Variants in USP42 observed in about 807,000 individuals in gnomAD.
The protein encoded by USP42 is ubiquitin specific peptidase 42, also known as ubiquitin carboxyl-terminal hydrolase 42.
USP42 carries 23 observed loss-of-function variants against 113.0 expected under a neutral mutation model. The ratio of observed to expected loss-of-function variants is 0.20; its 90% CI spans 0.15 to 0.29. The LOEUF is 0.29. USP42 is among the 10% of genes least tolerant of loss of function. The probability of loss-of-function intolerance (pLI) is 1.00; values close to 1 mark genes in which losing one functional copy is unlikely to be tolerated. For missense variants in USP42, 2,174 were observed against 1,779.8 expected, an observed-to-expected ratio of 1.22 and a Z score of -3.99; for synonymous variants, 933 against 699.0, an observed-to-expected ratio of 1.33 and a Z score of -5.28.
intron 1 of USP42, among the ~76,000 whole-genome samples, chr7:6,107,855 T>C (rs1779378259): frequency 6.6e-6 from 1 of 152,196 alleles, no homozygotes; most frequent in Admixed American, 6.5e-5. Flanking sequence ...CTACCTTTGA[T>C]TGATTTAAAT....
intron 9 of USP42, among the ~76,000 whole-genome samples, chr7:6,144,945 A>G (rs568612515): frequency 2.0e-5 from 3 of 152,294 alleles, no homozygotes; most frequent in Admixed American, 6.5e-5. Flanking sequence ...TTCACTTAAT[A>G]TAGATCCTGA....
Position 6,159,640 on chromosome 7 carries a change from C to A in USP42, c.*36+147C>A. The A allele has an allele frequency of 1.3e-6, 1 of 757,138 alleles. No individual in the cohort carries two copies. Among genetic ancestry groups the A allele is most frequent in the Non-Finnish European group, 2.1e-6 (1 of 466,326 alleles). 46.9% of individuals were successfully genotyped at this position (757,138 alleles called of 1,614,324 possible). ...GGAGAGGCCCCGGCAGGTTCCCAGC[C>A]AGCCCAGACCCAGGCCACGCGCTTG... On this transcript the variant is annotated intron_variant, in intron 17 of 17. Transcript: ENST00000306177. This position sits in a 1 kb window ranked among gnomAD's most constrained non-coding sequence, Gnocchi z 4.1.
upstream of USP42, among the ~76,000 whole-genome samples, chr7:6,102,198 C>A (rs1790147638): frequency 6.8e-6 from 1 of 147,252 alleles, no homozygotes; most frequent in Admixed American, 6.7e-5. Flanking sequence ...TCACTGCAAC[C>A]TCTGCCTCCC....
At chr7:6,128,200 G>T (rs1473837466) in intron 3 of USP42, 1 of 150,934 alleles carries the variant, frequency 6.6e-6, no homozygotes, top group East Asian at 1.9e-4. Context: ...TGATCCTCCT[G>T]CCTTGGCCTC....
At chr7:6,085,415 G>A in the USP42 span, among the ~76,000 whole-genome samples, 2 of 150,594 alleles carry the variant, frequency 1.3e-5, no homozygotes, top group African/African-American at 2.5e-5. Flanking sequence ...GTGGGCCACC[G>A]TGCCCGGCCA....
At chr7:6,116,771 G>A (rs757761310) in intron 3 of USP42, 18 of 532,868 alleles carry the variant, frequency 3.4e-5, no homozygotes, top group South Asian at 2.5e-4. Flanking sequence ...CGTTCTGTTT[G>A]CCCTCATTTT....
At chr7:6,151,470 G>A (rs953381280) in intron 14 of USP42, among the ~76,000 whole-genome samples, 4 of 152,078 alleles carry the variant, frequency 2.6e-5, no homozygotes, top group African/African-American at 4.8e-5. Context: ...ACGGAGTCTC[G>A]CTGTGTCACC....
intron 9 of USP42, among the ~76,000 whole-genome samples, chr7:6,145,307 G>T (rs1781656912): frequency 6.6e-6 from 1 of 151,592 alleles, no homozygotes; most frequent in Admixed American, 6.6e-5. Context: ...CTCCAGCCTG[G>T]GTGATAGAGT....
chr7:6,111,673 A>G, intron 2 of USP42: 1 of 195,964 alleles, frequency 5.1e-6, no homozygotes, highest in South Asian at 8.9e-5. Context: ...CGCGATCTTG[A>G]CTCACTGCAA....
chr7:6,086,240 C>T, the USP42 span, among the ~76,000 whole-genome samples: 2 of 136,692 alleles, frequency 1.5e-5, no homozygotes, highest in Non-Finnish European at 1.5e-5. Flanking sequence ...GAGTCTCGCT[C>T]TGTCGCCCAG....
Position 6,128,644 on chromosome 7 carries a change from G to C in USP42, c.443-7197G>C, listed in dbSNP as rs997811431. Among the ~76,000 whole-genome samples, 4 of 151,950 alleles carry C rather than the reference G, an allele frequency of 2.6e-5. No homozygotes were observed. In the East Asian group the frequency reaches 7.7e-4, roughly 29 times the overall value. On this transcript the variant is annotated intron_variant, in intron 3 of 17. Coordinates refer to ENST00000306177, the MANE Select transcript of USP42 (RefSeq NM_032172.3). The stretch of plus-strand genomic sequence containing the variant: ...TTCACCCTCATTTATTTAGAACATT[G>C]ACTTTTAAGGTGATTATTGATATTT...
At chr7:6,111,060 C>T (rs1779572282) in intron 1 of USP42, 65 bp from the exon 2 acceptor site, 23 of 1,494,452 alleles carry the variant, frequency 1.5e-5, no homozygotes, top group Middle Eastern at 3.7e-4. Flanking sequence ...CAAGATCTAA[C>T]GGTAGGGTAA....
At chr7:6,125,824 T>C (rs2128490785) in intron 3 of USP42, among the ~76,000 whole-genome samples, 1 of 152,242 alleles carries the variant, frequency 6.6e-6, no homozygotes, top group South Asian at 2.1e-4. Context: ...GTTTTTGTTT[T>C]TTTTTTGGTT....
intron 1 of USP42, among the ~76,000 whole-genome samples, chr7:6,110,120 C>T (rs1217399073): frequency 6.6e-6 from 1 of 152,140 alleles, no homozygotes. Flanking sequence ...AGGCATGAGC[C>T]ACCGCGCCCG....
Position 6,157,346 on chromosome 7 carries a change from CT to C in USP42, c.3943+293del. 7.4e-6 allele frequency: 8 copies of C among 1,080,958 alleles called. No individual in the cohort carries two copies. The highest frequency in any genetic ancestry group is 9.0e-6 in the Non-Finnish European group (8 of 892,168). 67.0% of individuals were successfully genotyped at this position (1,080,958 alleles called of 1,614,324 possible). ...TACAGCTCTAGGCATCTGACTTTGC[CT>C]TGCAAAGGACCAGAACTCTTGGTTT... On this transcript the variant is annotated intron_variant, in intron 16 of 17. Transcript: ENST00000306177. This position sits in a 1 kb window ranked among gnomAD's most constrained non-coding sequence, Gnocchi z 4.1.
chr7:6,092,055 TTC>T, the USP42 span, among the ~76,000 whole-genome samples: 64 of 47,410 alleles, frequency 1.3e-3, no homozygotes, highest in Non-Finnish European at 1.5e-3. Flanking sequence ...TTCTTCTTCT[TTC>T]TTCTTCTTCT....
chr7:6,160,751 A>G lies in USP42; in HGVS notation c.*233A>G, dbSNP rs1161543866. 1 of 152,588 alleles carries G rather than the reference A, an allele frequency of 6.6e-6. No homozygotes were observed. The highest frequency in any genetic ancestry group is 1.5e-5 in the Non-Finnish European group (1 of 68,040). 9.5% of individuals were successfully genotyped at this position (152,588 alleles called of 1,614,324 possible). A position where few individuals can be genotyped will look rare whatever the true frequency, so the allele number is the denominator to read the frequency against. ...CGAACACTTTCTACCACTGCTGACC[A>G]TTGTAAAATACCGTGTATATAAATC... On this transcript the variant is annotated 3_prime_UTR_variant, in exon 18 of 18. Coordinates refer to ENST00000306177, the MANE Select transcript of USP42 (RefSeq NM_032172.3).
In USP42 at chr7:6,153,991, A is replaced by G. The variant is rs764275767; in HGVS notation, c.2437A>G (p.Thr813Ala). Reference sequence around the variant, plus strand: ...CGCCGGCGAGGACATCGTGGGGGACACAGCACCCCCTGACCTGTGTGATCC... The same window carrying G: ...CGCCGGCGAGGACATCGTGGGGGACGCAGCACCCCCTGACCTGTGTGATCC... ...PSAGEDIVGDTAPPDLCDPGS... is the reference protein window; with the variant it reads ...PSAGEDIVGDAAPPDLCDPGS... Residue 813 changes from threonine to alanine, a missense_variant, in exon 15 of 18, where the codon ACA becomes GCA. Transcript: ENST00000306177. 5.6e-6 allele frequency: 9 copies of G among 1,599,908 alleles called. No homozygotes were observed. The highest frequency in any genetic ancestry group is 7.6e-6 in the Non-Finnish European group (9 of 1,176,510).
rs1266594040 is a variant in USP42 at position 6,160,932 on chromosome 7, G to T, written c.*414G>T. 1 of 152,632 alleles carries T rather than the reference G, an allele frequency of 6.6e-6. No homozygotes were observed. The highest frequency in any genetic ancestry group is 2.4e-5 in the African/African-American group (1 of 41,450). 9.5% of individuals were successfully genotyped at this position (152,632 alleles called of 1,614,324 possible). A position where few individuals can be genotyped will look rare whatever the true frequency, so the allele number is the denominator to read the frequency against. On this transcript the variant is annotated 3_prime_UTR_variant, in exon 18 of 18. Transcript: ENST00000306177. Reference sequence around the variant, plus strand: ...GAATTGTCAAAAGTACAAACTGACAGTGTGTATATTTAATTTAAAGACTTA... The same window carrying T: ...GAATTGTCAAAAGTACAAACTGACATTGTGTATATTTAATTTAAAGACTTA...
Sources: gnomAD v4.1 joint callset for allele counts (sites outside exome capture counted in the v4.1 genomes callset) on GRCh38, gnomAD v4.1.1 for gene constraint, Gnocchi (gnomAD v3.1) non-coding constraint, MANE v1.5 for transcripts, NCBI Gene and HGNC (gene_info 2026-07-23, HGNC 2026-07-21) for gene names.